Variants in SLC19A3 observed in about 807,000 individuals in gnomAD.
SLC19A3 encodes the protein solute carrier family 19 member 3.
SLC19A3 carries 31 observed loss-of-function variants against 40.2 expected under a neutral mutation model. The observed-to-expected ratio is 0.77, with a 90% CI of 0.58 to 1.04. SLC19A3 has a LOEUF of 1.04. Among genes scored for constraint, SLC19A3 ranks in the 50% least tolerant of loss-of-function variants. The probability of loss-of-function intolerance (pLI) is 0.00; values close to 1 mark genes in which losing one functional copy is unlikely to be tolerated. For missense variants in SLC19A3, 592 were observed against 596.7 expected, an observed-to-expected ratio of 0.99 and a Z score of 0.08; for synonymous variants, 212 against 227.5, an observed-to-expected ratio of 0.93 and a Z score of 0.61.
Position 227,685,227 on chromosome 2 carries a change from G to A in SLC19A3, c.*2170C>T, listed in dbSNP as rs910147437. The stretch of plus-strand genomic sequence containing the variant: ...AGACTAGATAGTTTGTAAGAAAAGG[G>A]GTTTAATTAGCTCACAGGCTATATA... On this transcript the variant is annotated 3_prime_UTR_variant, in exon 6 of 6. Transcript: ENST00000644224. The A allele has an allele frequency of 6.6e-6, 1 of 152,052 alleles. No individual in the cohort carries two copies. The highest frequency in any genetic ancestry group is 6.6e-5 in the Admixed American group (1 of 15,248). 9.4% of individuals were successfully genotyped at this position (152,052 alleles called of 1,614,324 possible). A position where few individuals can be genotyped will look rare whatever the true frequency, so the allele number is the denominator to read the frequency against.
rs55977450 is a variant in SLC19A3, at chr2:227,703,734, T to C, written c.-2-1414A>G. 0.15 allele frequency among the ~76,000 whole-genome samples: 23,000 copies of C among 152,066 alleles called. 2,150 individuals carry two copies. Among genetic ancestry groups the C allele is most frequent in the Middle Eastern group, 0.21 (63 of 294 alleles). On this transcript the variant is annotated intron_variant, in intron 1 of 5. Coordinates refer to ENST00000644224, the MANE Select transcript of SLC19A3 (RefSeq NM_025243.4). The surrounding 1 kb of genome is among the most constrained non-coding windows in gnomAD (Gnocchi z 4.7). ...TGGACAGGTGATCACTGAGGCTTGGTCATCTTCTGAAGAGTGGTCTTGCTG... is the reference window on the plus strand; with the variant it reads ...TGGACAGGTGATCACTGAGGCTTGGCCATCTTCTGAAGAGTGGTCTTGCTG...
At chr2:227,701,029 A>C (rs936621997) in intron 2 of SLC19A3, 1 of 1,304,124 alleles carries the variant, frequency 7.7e-7, no homozygotes, top group African/African-American at 1.5e-5. Context: ...GTGGCTCGAG[A>C]AGCAGAACCC....
intron 1 of SLC19A3, among the ~76,000 whole-genome samples, chr2:227,713,923 A>G (rs553443372): frequency 6.6e-6 from 1 of 152,240 alleles, no homozygotes; most frequent in East Asian, 1.9e-4. Context: ...CGCCAGGTCC[A>G]AAACAACCGA....
At chr2:227,712,858 C>T (rs1032615664) in intron 1 of SLC19A3, among the ~76,000 whole-genome samples, 1 of 150,108 alleles carries the variant, frequency 6.7e-6, no homozygotes, top group African/African-American at 2.4e-5. Context: ...CTAAAACAAG[C>T]AAAACTTATC....
At chr2:227,694,358 A>G (rs1695347897) in intron 4 of SLC19A3, among the ~76,000 whole-genome samples, 1 of 152,158 alleles carries the variant, frequency 6.6e-6, no homozygotes, top group Admixed American at 6.6e-5. Flanking sequence ...CTTTAACAAA[A>G]TCTTCACATT....
At chr2:227,701,805 G>T in intron 2 of SLC19A3, 1 of 195,670 alleles carries the variant, frequency 5.1e-6, no homozygotes, top group Admixed American at 5.5e-5. Flanking sequence ...ATGAGATCCT[G>T]CTTATCCCTC....
rs1434582613 is a variant in SLC19A3, at chr2:227,686,847, G to A, written c.*550C>T. The stretch of plus-strand genomic sequence containing the variant: ...CGTGAATAATGCTGTTATTAGAGTT[G>A]AAGAGAAGCCCTTAGAAATGGGACA... On this transcript the variant is annotated 3_prime_UTR_variant, in exon 6 of 6. Coordinates refer to ENST00000644224, the MANE Select transcript of SLC19A3 (RefSeq NM_025243.4). 6.6e-6 allele frequency: 1 copy of A among 152,302 alleles called. No individual in the cohort carries two copies. The highest frequency in any genetic ancestry group is 1.5e-5 in the Non-Finnish European group (1 of 68,134). The allele number at this position is 152,302 out of a possible 1,614,324, so 9.4% of individuals were successfully genotyped here. A position where few individuals can be genotyped will look rare whatever the true frequency, so the allele number is the denominator to read the frequency against.
Position 227,702,245 on chromosome 2 carries a change from A to G in SLC19A3, c.74T>C (p.Phe25Ser), listed in dbSNP as rs1574565470. The G allele has an allele frequency of 1.2e-6, 2 of 1,613,976 alleles. No individual in the cohort carries two copies. Among genetic ancestry groups the G allele is most frequent in the Non-Finnish European group, 1.7e-6 (2 of 1,179,890 alleles). The change falls in exon 2 of 6, where the codon TTC becomes TCC. Residue 25 changes from phenylalanine (F) to serine (S), a missense_variant. Coordinates refer to ENST00000644224, the MANE Select transcript of SLC19A3 (RefSeq NM_025243.4). ...TGGTTCTGAGGGTCTCATCATGGAG[A>G]AAAAACCAAATAAGCAGAGGATCAC... ...PTVILCLFGF[F>S]SMMRPSEPFL...
chr2:227,693,185 T>C (rs1013953475), intron 4 of SLC19A3, among the ~76,000 whole-genome samples: 1 of 151,690 alleles, frequency 6.6e-6, no homozygotes, highest in Non-Finnish European at 1.5e-5. Context: ...TTCACAGAAA[T>C]AGAAAAAGCA....
At chr2:227,691,302 G>A (rs1695216982) in intron 4 of SLC19A3, among the ~76,000 whole-genome samples, 8 of 152,078 alleles carry the variant, frequency 5.3e-5, no homozygotes, top group Admixed American at 5.2e-4. Flanking sequence ...AGTTACAAGT[G>A]CCTACATAAA....
intron 1 of SLC19A3, among the ~76,000 whole-genome samples, chr2:227,713,158 A>C (rs749521162): frequency 6.6e-6 from 1 of 152,154 alleles, no homozygotes; most frequent in Non-Finnish European, 1.5e-5. Context: ...TAATCCCAGC[A>C]CTTTGAGAGG....
At chr2:227,701,143 A>G in intron 2 of SLC19A3, 1 of 1,238,138 alleles carries the variant, frequency 8.1e-7, no homozygotes, top group Non-Finnish European at 1.0e-6. Flanking sequence ...TCCCTAAGTG[A>G]TCTGATGCTA....
chr2:227,711,613 GC>G (rs1696142516), intron 1 of SLC19A3, among the ~76,000 whole-genome samples: 1 of 151,850 alleles, frequency 6.6e-6, no homozygotes, highest in Non-Finnish European at 1.5e-5. Flanking sequence ...ACCACAGCAT[GC>G]CATCCAGAAG....
intron 1 of SLC19A3, chr2:227,714,708 A>T: frequency 2.2e-6 from 1 of 446,734 alleles, no homozygotes; most frequent in Non-Finnish European, 2.9e-6. Flanking sequence ...CCATCCAAAA[A>T]AAAAAAAAAA....
At chr2:227,695,585 G>A (rs535078305) in intron 4 of SLC19A3, 10 of 361,402 alleles carry the variant, frequency 2.8e-5, no homozygotes, top group South Asian at 4.8e-5. Flanking sequence ...TCCAGCCTGG[G>A]CAAGAGAGCC....
chr2:227,698,709 A>G, intron 3 of SLC19A3, 27 bp downstream of exon 3: 1 of 1,595,582 alleles, frequency 6.3e-7, no homozygotes, highest in Non-Finnish European at 8.6e-7. Context: ...AAAGCCAACA[A>G]AGGAAGATTA....
rs570190318 is a variant in SLC19A3, at chr2:227,712,537, G to A, written c.-3+5406C>T. On this transcript the variant is annotated intron_variant, in intron 1 of 5. Transcript: ENST00000644224. Reference sequence around the variant, plus strand: ...ACAGAGGCCAGCATACCAAATGTTGGCAAAGATTTACAGCAAGTGAATCCA... The same window carrying A: ...ACAGAGGCCAGCATACCAAATGTTGACAAAGATTTACAGCAAGTGAATCCA... 4.6e-5 allele frequency among the ~76,000 whole-genome samples: 7 copies of A among 152,250 alleles called. No individual in the cohort carries two copies. The East Asian group carries it at 1.4e-3, about 29-fold the overall frequency.
chr2:227,695,546 G>A lies in SLC19A3; in HGVS notation c.1172+343C>T, dbSNP rs116157353. ...GAGCCTGGGAAGTCAAGGCTGCATT[G>A]AGTCCTGATCGTGATCGCACCACTG... On this transcript the variant is annotated intron_variant, in intron 4 of 5. Transcript: ENST00000644224. The A allele has an allele frequency of 7.5e-3, 2,238 of 296,894 alleles. 30 individuals carry two copies. Among genetic ancestry groups the A allele is most frequent in the Middle Eastern group, 0.036 (28 of 784 alleles). 18.4% of individuals were successfully genotyped at this position (296,894 alleles called of 1,614,324 possible).
At position 227,702,319 on chromosome 2, in the gene SLC19A3, G is replaced by T. The variant is rs778912154; in HGVS notation, c.-1C>A. 4.3e-6 allele frequency: 7 copies of T among 1,613,834 alleles called. No homozygotes were observed. Among genetic ancestry groups the T allele is most frequent in the Non-Finnish European group, 5.9e-6 (7 of 1,179,894 alleles). On this transcript the variant is annotated splice_region_variant and 5_prime_UTR_variant, in exon 2 of 6. Coordinates refer to ENST00000644224, the MANE Select transcript of SLC19A3 (RefSeq NM_025243.4). Reference sequence around the variant, plus strand: ...TTAGTGAAGTTCTGTAACAATCCATGGCTGATCAAATGGAAACAAAGAGAA... The same window carrying T: ...TTAGTGAAGTTCTGTAACAATCCATTGCTGATCAAATGGAAACAAAGAGAA...
Sources: allele counts gnomAD v4.1 joint callset (sites outside exome capture counted in the v4.1 genomes callset), GRCh38; gene constraint gnomAD v4.1.1; non-coding constraint Gnocchi (gnomAD v3.1); transcripts MANE v1.5; gene names NCBI Gene and HGNC (gene_info 2026-07-23, HGNC 2026-07-21).